The following MAGI2 variants were observed in gnomAD, a reference collection of about 807,000 sequenced individuals.
MAGI2 encodes the protein membrane-associated guanylate kinase, WW and PDZ domain-containing protein 2.
Under a neutral mutation model 133.3 loss-of-function variants are expected in MAGI2, and 35 were observed. The ratio of observed to expected loss-of-function variants is 0.26; its 90% CI spans 0.20 to 0.35. MAGI2 has a LOEUF of 0.35. MAGI2 is among the 10% of genes least tolerant of loss of function. MAGI2 has a pLI of 1.00. For missense variants in MAGI2, 1,636 were observed against 1,863.4 expected (o/e 0.88, Z 2.25); for synonymous variants, 729 against 710.6 (o/e 1.03, Z -0.41).
chr7:78,040,835 AG>A (rs2151084548), intron 21 of MAGI2, among the ~76,000 whole-genome samples: 1 of 152,306 alleles, frequency 6.6e-6, no homozygotes, highest in Non-Finnish European at 1.5e-5. Context: ...ACAACCATTA[AG>A]GGGCTAACTG....
At chr7:78,424,326 C>T (rs1584037236) in intron 6 of MAGI2, among the ~76,000 whole-genome samples, 1 of 152,164 alleles carries the variant, frequency 6.6e-6, no homozygotes, top group African/African-American at 2.4e-5. Flanking sequence ...GTTTGGGAAC[C>T]TCTGCTGCCT....
chr7:79,009,273 T>C (rs1022031861), intron 1 of MAGI2: 1 of 152,144 alleles, frequency 6.6e-6, no homozygotes, highest in African/African-American at 2.4e-5. Context: ...GAAAGTTATC[T>C]ACCTCAGAAA....
chr7:79,150,260 A>G (rs969694354), intron 1 of MAGI2, among the ~76,000 whole-genome samples: 4 of 146,686 alleles, frequency 2.7e-5, no homozygotes, highest in African/African-American at 1.1e-4. Context: ...TTTACGGTTA[A>G]AAAAAAAAAC....
At chr7:78,667,706 C>G (rs1353406449) in intron 2 of MAGI2, among the ~76,000 whole-genome samples, 2 of 151,954 alleles carry the variant, frequency 1.3e-5, no homozygotes, top group Admixed American at 1.3e-4. Flanking sequence ...CATGTCCCTA[C>G]AAAGGACATG....
chr7:78,546,463 AAGAT>A (rs1163977098), intron 3 of MAGI2, among the ~76,000 whole-genome samples: 1 of 152,210 alleles, frequency 6.6e-6, no homozygotes, highest in Non-Finnish European at 1.5e-5. Context: ...AAGCATAAGA[AAGAT>A]AGACAAGCCT....
chr7:79,098,974 G>T (rs1414439698), intron 1 of MAGI2, among the ~76,000 whole-genome samples: 1 of 152,122 alleles, frequency 6.6e-6, no homozygotes, highest in Non-Finnish European at 1.5e-5. Flanking sequence ...AGTATAAAAT[G>T]TAAGAGAACA....
chr7:79,048,297 C>T (rs1216479745), intron 1 of MAGI2, among the ~76,000 whole-genome samples: 1 of 152,062 alleles, frequency 6.6e-6, no homozygotes, highest in African/African-American at 2.4e-5. Flanking sequence ...TTTTTACTAC[C>T]TAGGCATGGA....
chr7:78,542,597 A>G (rs1390978788), intron 3 of MAGI2, among the ~76,000 whole-genome samples: 2 of 152,176 alleles, frequency 1.3e-5, no homozygotes, highest in African/African-American at 4.8e-5. Context: ...AAATTTGCCC[A>G]CTATATGAAA....
At chr7:79,416,893 C>A (rs1467496587) in intron 1 of MAGI2, among the ~76,000 whole-genome samples, 2 of 151,342 alleles carry the variant, frequency 1.3e-5, no homozygotes, top group African/African-American at 4.9e-5. Flanking sequence ...CGCCACCATG[C>A]CTGAAAAATT....
chr7:78,363,259 C>G (rs1585010902), intron 7 of MAGI2, among the ~76,000 whole-genome samples: 1 of 152,046 alleles, frequency 6.6e-6, no homozygotes, highest in South Asian at 2.1e-4. Context: ...TTTGCGAGGC[C>G]GAGGTGGGCG....
intron 2 of MAGI2, among the ~76,000 whole-genome samples, chr7:78,739,131 T>A (rs966099412): frequency 6.6e-6 from 1 of 152,022 alleles, no homozygotes; most frequent in Non-Finnish European, 1.5e-5. Context: ...GGTGAATGCT[T>A]TTTTCCCCCT....
chr7:78,430,568 C>G (rs964789279), intron 6 of MAGI2, among the ~76,000 whole-genome samples: 1 of 151,976 alleles, frequency 6.6e-6, no homozygotes, highest in Non-Finnish European at 1.5e-5. Flanking sequence ...AAGTTCATTA[C>G]TTTCTCTCAT....
At chr7:79,197,465 C>T (rs1828184056) in intron 1 of MAGI2, among the ~76,000 whole-genome samples, 1 of 152,006 alleles carries the variant, frequency 6.6e-6, no homozygotes, top group African/African-American at 2.4e-5. Flanking sequence ...ACAACCAGCG[C>T]TTGCTCCAAG....
chr7:79,411,042 A>C (rs1207459200), intron 1 of MAGI2: 2 of 152,084 alleles, frequency 1.3e-5, no homozygotes, highest in East Asian at 3.9e-4. Context: ...GGTGAGGGGA[A>C]AGTACTGAGT....
rs111847690 is a variant in MAGI2, at chr7:79,309,968, T to TAA, written c.301+143050_301+143051dup. Among the ~76,000 whole-genome samples, 211 of 101,510 alleles carry TAA rather than the reference T, an allele frequency of 2.1e-3. 1 individual carries two copies. The highest frequency in any genetic ancestry group is 7.4e-3 in the African/African-American group (200 of 26,970). 66.6% of individuals were successfully genotyped at this position (101,510 alleles called of 152,430 possible). A position where few individuals can be genotyped will look rare whatever the true frequency, so the allele number is the denominator to read the frequency against. On this transcript the variant is annotated intron_variant, in intron 1 of 21. Coordinates refer to ENST00000354212, the MANE Select transcript of MAGI2 (RefSeq NM_012301.4). ...CAACATAGGGAAACCTTGTTTTTCC[T>TAA]AAAAAAAAAAAAAAAGAAAAGAAAA...
chr7:78,308,024 T>C (rs1005291912), intron 9 of MAGI2, among the ~76,000 whole-genome samples: 4 of 152,258 alleles, frequency 2.6e-5, no homozygotes, highest in African/African-American at 7.2e-5. Flanking sequence ...TCCAGTTAGG[T>C]CATTGGGAAT....
In MAGI2 at chr7:78,703,744, C is replaced by T. The variant is rs917708951; in HGVS notation, c.419-76505G>A. ...TGTTACCTGAAACTTAGTTTATATACCATGCCACCATGGGTTTATTGATTT... is the reference window on the plus strand; with the variant it reads ...TGTTACCTGAAACTTAGTTTATATATCATGCCACCATGGGTTTATTGATTT... On this transcript the variant is annotated intron_variant, in intron 2 of 21. Transcript: ENST00000354212. Among the ~76,000 whole-genome samples the T allele has an allele frequency of 1.3e-5, 2 of 151,822 alleles. 1 individual carries two copies. The highest frequency in any genetic ancestry group is 2.9e-5 in the Non-Finnish European group (2 of 67,944).
chr7:78,291,216 T>A (rs1271552712), intron 9 of MAGI2, among the ~76,000 whole-genome samples: 1 of 151,374 alleles, frequency 6.6e-6, no homozygotes, highest in Non-Finnish European at 1.5e-5. Flanking sequence ...GAGAGAAGAA[T>A]CAAATAGACG....
At chr7:78,316,505 C>T (rs1458587727) in intron 9 of MAGI2, among the ~76,000 whole-genome samples, 2 of 152,154 alleles carry the variant, frequency 1.3e-5, no homozygotes, top group African/African-American at 2.4e-5. Context: ...CTCTGTAAGC[C>T]TTTATTTGTA....
Sources: gnomAD v4.1 joint callset for allele counts (sites outside exome capture counted in the v4.1 genomes callset) on GRCh38, gnomAD v4.1.1 for gene constraint, MANE v1.5 for transcripts, NCBI Gene and HGNC (gene_info 2026-07-23, HGNC 2026-07-21) for gene names.